PPP1R17: variants seen among roughly 807,000 people sequenced by gnomAD.
PPP1R17 encodes the protein G-substrate.
A neutral mutation model predicts 15.9 loss-of-function variants in PPP1R17; 12 were observed. The ratio of observed to expected loss-of-function variants is 0.75; its 90% CI spans 0.48 to 1.22. PPP1R17 has a LOEUF of 1.22. PPP1R17 is among the 50% of genes most tolerant of loss of function. The probability of loss-of-function intolerance (pLI) is 0.00; values close to 1 mark genes in which losing one functional copy is unlikely to be tolerated. For missense variants in PPP1R17, 211 were observed against 187.3 expected (o/e 1.13, Z -0.74); for synonymous variants, 63 against 64.5 (o/e 0.98, Z 0.11).
At chr7:31,696,678 T>C (rs762961785) in intron 3 of PPP1R17, among the ~76,000 whole-genome samples, 1 of 152,192 alleles carries the variant, frequency 6.6e-6, no homozygotes, top group Non-Finnish European at 1.5e-5. Context: ...GCACATTTCT[T>C]TGCCTGACTT....
At chr7:31,692,657 A>T in intron 2 of PPP1R17, 134 bp downstream of exon 2, 2 of 743,716 alleles carry the variant, frequency 2.7e-6, no homozygotes, top group Non-Finnish European at 4.5e-6. Context: ...GTGACAGCCA[A>T]CACCAGATGG....
intron 4 of PPP1R17, among the ~76,000 whole-genome samples, chr7:31,698,693 A>C (rs1290290976): frequency 6.6e-6 from 1 of 152,256 alleles, no homozygotes; most frequent in Non-Finnish European, 1.5e-5. Context: ...GTCAATAACC[A>C]TATAGATTAA....
chr7:31,696,703 A>T (rs868455682), intron 3 of PPP1R17, among the ~76,000 whole-genome samples: 10 of 152,288 alleles, frequency 6.6e-5, no homozygotes, highest in Middle Eastern at 3.4e-3. Context: ...CAGCTTTGTG[A>T]TGGTGGCCAT....
rs962109426 is a variant in PPP1R17 at position 31,695,609 on chromosome 7, C to A, written c.223C>A (p.Pro75Thr). ...RKDTPALHIP[P>T]FIPGVFSEHL... ...AGATACACCGGCGCTGCACATCCCA[C>A]CTTTCATACCAGGTAATGGACAAAG... The change falls in exon 3 of 5, where the codon CCT (proline) becomes ACT (threonine). Residue 75 changes from proline (P) to threonine (T), a missense_variant. By Grantham distance (38) the Pro-to-Thr change is conservative. Coordinates refer to ENST00000342032, the MANE Select transcript of PPP1R17 (RefSeq NM_006658.5). 1 of 1,612,104 alleles carries A rather than the reference C, an allele frequency of 6.2e-7. No homozygotes were observed. The highest frequency in any genetic ancestry group is 1.3e-5 in the African/African-American group (1 of 74,788).
chr7:31,690,471 A>G (rs549213130), intron 1 of PPP1R17, among the ~76,000 whole-genome samples: 2 of 152,340 alleles, frequency 1.3e-5, no homozygotes, highest in East Asian at 1.9e-4. Flanking sequence ...TGCAAATTTT[A>G]TTGTAGCAGA....
intron 2 of PPP1R17, among the ~76,000 whole-genome samples, chr7:31,694,380 T>TCAAACACACACACACACACACA (rs1250440023): frequency 5.5e-5 from 6 of 109,184 alleles, no homozygotes; most frequent in African/African-American, 2.3e-4. Flanking sequence ...TCTCTCTCTC[T>TCAAACACACACACACACACACA]CTCTCAAACA....
rs774415613 is a variant in PPP1R17 at position 31,707,421 on chromosome 7, G to A, written c.*138G>A. 521 of 656,008 alleles carry A rather than the reference G, an allele frequency of 7.9e-4. No homozygotes were observed. Among genetic ancestry groups the A allele is most frequent in the Non-Finnish European group, 1.2e-3 (451 of 387,738 alleles). 40.6% of individuals were successfully genotyped at this position (656,008 alleles called of 1,614,324 possible). ...TTCAGACACCTTCTCCCCAGGAGAT[G>A]TATGCCATCAAATTGCCAGTCACCT... On this transcript the variant is annotated 3_prime_UTR_variant, in exon 5 of 5. Coordinates refer to ENST00000342032, the MANE Select transcript of PPP1R17 (RefSeq NM_006658.5).
At chr7:31,687,862 C>A (rs34160) in intron 1 of PPP1R17, among the ~76,000 whole-genome samples, 3,381 of 152,244 alleles carry the variant, frequency 0.022, 138 homozygotes, top group African/African-American at 0.076. Flanking sequence ...TTATTCCATC[C>A]AGTAAATCAA....
chr7:31,706,350 A>C (rs1793071345), intron 4 of PPP1R17, among the ~76,000 whole-genome samples: 1 of 152,156 alleles, frequency 6.6e-6, no homozygotes, highest in Non-Finnish European at 1.5e-5. Context: ...ACATAGGAAC[A>C]GCAACTCTTT....
chr7:31,707,509 A>T lies in PPP1R17; in HGVS notation c.*226A>T, dbSNP rs1247565343. 1 of 497,038 alleles carries T rather than the reference A, an allele frequency of 2.0e-6. No homozygotes were observed. Among genetic ancestry groups the T allele is most frequent in the African/African-American group, 2.0e-5 (1 of 50,910 alleles). 30.8% of individuals were successfully genotyped at this position (497,038 alleles called of 1,614,324 possible). On this transcript the variant is annotated 3_prime_UTR_variant, in exon 5 of 5. Transcript: ENST00000342032. The stretch of plus-strand genomic sequence containing the variant: ...CTGTGTTTTGAATTTTTATTTTCTA[A>T]TGCAGTGGAAAAGAAACAGATCATC...
chr7:31,700,933 C>A (rs1384431947), intron 4 of PPP1R17, among the ~76,000 whole-genome samples: 1 of 152,174 alleles, frequency 6.6e-6, no homozygotes, highest in Non-Finnish European at 1.5e-5. Flanking sequence ...ATTATTACTG[C>A]TCATTAACAA....
chr7:31,704,659 T>G lies in PPP1R17; in HGVS notation c.389-2545T>G, dbSNP rs760727354. Among the ~76,000 whole-genome samples the G allele has an allele frequency of 8.9e-4, 135 of 152,318 alleles. 1 individual carries two copies. Among genetic ancestry groups the G allele is most frequent in the Middle Eastern group, 3.4e-3 (1 of 294 alleles). ...ATGTAGGTTGTGGCTGCAGCCACAA[T>G]GTAGGCCTAAGTCTATTTGGGGACA... On this transcript the variant is annotated intron_variant, in intron 4 of 4. Transcript: ENST00000342032.
At chr7:31,693,215 T>C (rs1792431883) in intron 2 of PPP1R17, among the ~76,000 whole-genome samples, 1 of 152,098 alleles carries the variant, frequency 6.6e-6, no homozygotes, top group South Asian at 2.1e-4. Flanking sequence ...AAAGTGCAAT[T>C]GAAGTAAAAG....
In PPP1R17 at chr7:31,692,475, C is replaced by G. The variant is rs3735422; in HGVS notation, c.34C>G (p.Leu12Val). The G allele has an allele frequency of 0.12, 190,491 of 1,609,386 alleles. 12,327 individuals are homozygous for G. Among genetic ancestry groups the G allele is most frequent in the East Asian group, 0.25 (11,317 of 44,778 alleles). ...CACTGAGCAAATGCAGCCACTGGAA[C>G]TCTCAGAAGACAGACTGGACAAGCT... The part of the protein sequence containing the change: ...MSTEQMQPLE[L>V]SEDRLDKLDP... The change falls in exon 2 of 5, where the codon CTC becomes GTC. Residue 12 changes from leucine (L) to valine (V), a missense_variant. By Grantham distance (32) the Leu-to-Val change is conservative. Transcript: ENST00000342032.
chr7:31,691,871 G>T (rs1333938399), intron 1 of PPP1R17, among the ~76,000 whole-genome samples: 1 of 149,586 alleles, frequency 6.7e-6, no homozygotes, highest in African/African-American at 2.5e-5. Context: ...GGGTTCAAAG[G>T]ATTCATTTTA....
rs1793151056 is a variant in PPP1R17, at chr7:31,708,265, T to C, written c.*982T>C. The stretch of plus-strand genomic sequence containing the variant: ...CATACAGGCCTCATCCACCAGGCAA[T>C]AGACAGGAGAGAGGTGAGAACTATT... On this transcript the variant is annotated 3_prime_UTR_variant, in exon 5 of 5. Coordinates refer to ENST00000342032, the MANE Select transcript of PPP1R17 (RefSeq NM_006658.5). 6.6e-6 allele frequency: 1 copy of C among 152,208 alleles called. No individual in the cohort carries two copies. The highest frequency in any genetic ancestry group is 1.5e-5 in the Non-Finnish European group (1 of 68,054). The allele number at this position is 152,208 out of a possible 1,614,324, so 9.4% of individuals were successfully genotyped here. A position where few individuals can be genotyped will look rare whatever the true frequency, so the allele number is the denominator to read the frequency against.
intron 3 of PPP1R17, 135 bp downstream of exon 3, chr7:31,695,756 A>G: frequency 1.3e-6 from 1 of 779,450 alleles, no homozygotes. Context: ...GTATCTCTGT[A>G]TTAGTTACAA....
chr7:31,695,691 C>T (rs1215732018), intron 3 of PPP1R17, 70 bp downstream of exon 3: 1 of 1,456,292 alleles, frequency 6.9e-7, no homozygotes, highest in African/African-American at 1.4e-5. Flanking sequence ...TGTTCGTACA[C>T]ATTTTTCCTT....
At chr7:31,701,182 A>G (rs192101106) in intron 4 of PPP1R17, among the ~76,000 whole-genome samples, 1 of 152,352 alleles carries the variant, frequency 6.6e-6, no homozygotes, top group Admixed American at 6.5e-5. Context: ...GGTATTCTAG[A>G]TGCCATTAAG....
Sources: allele counts gnomAD v4.1 joint callset (sites outside exome capture counted in the v4.1 genomes callset), GRCh38; gene constraint gnomAD v4.1.1; transcripts MANE v1.5; gene names NCBI Gene and HGNC (gene_info 2026-07-23, HGNC 2026-07-21).